LHFPL2: variants seen among roughly 807,000 people sequenced by gnomAD.
LHFPL2 encodes LHFPL tetraspan subfamily member 2 protein.
In LHFPL2, 7 loss-of-function variants were observed where a neutral mutation model predicts 17.5. The ratio of observed to expected loss-of-function variants is 0.40; its 90% CI spans 0.23 to 0.75. The LOEUF (loss-of-function observed/expected upper bound fraction) is 0.75. LHFPL2 is among the 30% of genes least tolerant of loss of function. The probability of loss-of-function intolerance (pLI) is 0.37; values close to 1 mark genes in which losing one functional copy is unlikely to be tolerated. For missense variants in LHFPL2, 241 were observed against 294.8 expected (o/e 0.82, Z 1.34); for synonymous variants, 134 against 116.2 (o/e 1.15, Z -0.99).
intron 4 of LHFPL2, 74 bp downstream of exon 4, chr5:78,509,710 C>G: frequency 1.4e-6 from 2 of 1,445,680 alleles, no homozygotes; most frequent in Non-Finnish European, 1.9e-6. Context: ...AAGCGAATGC[C>G]CAGTACCAGA....
chr5:78,495,487 A>C (rs1334777808), intron 4 of LHFPL2, among the ~76,000 whole-genome samples: 1 of 152,148 alleles, frequency 6.6e-6, no homozygotes, highest in East Asian at 1.9e-4. Context: ...TTTAGACACC[A>C]CACTCCCACT....
At chr5:78,498,044 C>T (rs752894830) in intron 4 of LHFPL2, among the ~76,000 whole-genome samples, 3 of 152,030 alleles carry the variant, frequency 2.0e-5, no homozygotes, top group Admixed American at 6.5e-5. Context: ...GGGAGAAGGA[C>T]GGGAAAGGAC....
At chr5:78,593,256 T>A (rs1175772540) in intron 2 of LHFPL2, among the ~76,000 whole-genome samples, 2 of 152,066 alleles carry the variant, frequency 1.3e-5, no homozygotes, top group Non-Finnish European at 2.9e-5. Context: ...CTCATCCCCA[T>A]GGGAATCAGG....
intron 2 of LHFPL2, among the ~76,000 whole-genome samples, chr5:78,601,031 G>A (rs1020164761): frequency 6.6e-6 from 1 of 152,206 alleles, no homozygotes; most frequent in African/African-American, 2.4e-5. Flanking sequence ...CAGCATGTGT[G>A]CCATTTGCTC....
At chr5:78,562,794 G>C (rs1195543279) in intron 3 of LHFPL2, among the ~76,000 whole-genome samples, 1 of 152,176 alleles carries the variant, frequency 6.6e-6, no homozygotes, top group Admixed American at 6.6e-5. Flanking sequence ...GAGAAGGCTG[G>C]TTTTATTAGG....
intron 3 of LHFPL2, among the ~76,000 whole-genome samples, chr5:78,536,855 T>C (rs1426706995): frequency 2.0e-5 from 3 of 152,126 alleles, no homozygotes; most frequent in African/African-American, 4.8e-5. Context: ...GAAACAGCTG[T>C]CAAACACTGG....
At chr5:78,556,050 G>A (rs1756564681) in intron 3 of LHFPL2, among the ~76,000 whole-genome samples, 2 of 152,170 alleles carry the variant, frequency 1.3e-5, no homozygotes, top group South Asian at 2.1e-4. Context: ...CTCATGAGGT[G>A]TGGGTGAGGT....
intron 3 of LHFPL2, among the ~76,000 whole-genome samples, chr5:78,545,275 C>A (rs1272057979): frequency 1.3e-5 from 2 of 152,190 alleles, no homozygotes; most frequent in Non-Finnish European, 2.9e-5. Flanking sequence ...CATCAGGAGG[C>A]AACACCGAAG....
intron 3 of LHFPL2, among the ~76,000 whole-genome samples, chr5:78,539,665 G>A (rs948215208): frequency 2.2e-4 from 33 of 152,218 alleles, no homozygotes; most frequent in African/African-American, 7.9e-4. Context: ...TGGGAATGAG[G>A]CTCTGCAGTC....
Position 78,506,037 on chromosome 5 carries a change from C to T in LHFPL2, c.430+3747G>A, listed in dbSNP as rs985671116. The stretch of plus-strand genomic sequence containing the variant: ...TGCACAGTATTTAGAAAGTATCAGC[C>T]GGGTGTCCACCTAATGGTGCCCTGA... On this transcript the variant is annotated intron_variant, in intron 4 of 4. Coordinates refer to ENST00000380345, the MANE Select transcript of LHFPL2 (RefSeq NM_005779.3). 3.9e-5 allele frequency among the ~76,000 whole-genome samples: 6 copies of T among 152,318 alleles called. 1 individual carries two copies. Among genetic ancestry groups the T allele is most frequent in the South Asian group, 2.1e-4 (1 of 4,826 alleles).
intron 1 of LHFPL2, chr5:78,644,229 C>T: frequency 1.5e-6 from 1 of 673,498 alleles, no homozygotes; most frequent in East Asian, 2.8e-5. Context: ...AGTTGAAATG[C>T]TTTATAGATA....
rs552230120 is a variant in LHFPL2, at chr5:78,575,826, A to G, written c.-244-10955T>C. ...TTTCTAGGTCTCTGGAAAAGTCTTC[A>G]TCCTGCACAGACTGGACAATTTCAA... On this transcript the variant is annotated intron_variant, in intron 2 of 4. Coordinates refer to ENST00000380345, the MANE Select transcript of LHFPL2 (RefSeq NM_005779.3). Among the ~76,000 whole-genome samples, 3 of 152,346 alleles carry G rather than the reference A, an allele frequency of 2.0e-5. No homozygotes were observed. The South Asian group carries it at 6.2e-4, about 32-fold the overall frequency.
intron 1 of LHFPL2, among the ~76,000 whole-genome samples, chr5:78,632,900 T>C (rs1187240794): frequency 1.3e-5 from 2 of 151,904 alleles, no homozygotes; most frequent in African/African-American, 4.8e-5. Flanking sequence ...GTGGCCAAAC[T>C]AGAGGGCAAG....
chr5:78,630,338 T>C (rs1443348144), intron 2 of LHFPL2, among the ~76,000 whole-genome samples: 2 of 152,196 alleles, frequency 1.3e-5, no homozygotes, highest in Non-Finnish European at 2.9e-5. Flanking sequence ...AGGGATGGTG[T>C]GACACAAACA....
intron 3 of LHFPL2, among the ~76,000 whole-genome samples, chr5:78,562,504 A>G (rs1419813593): frequency 1.3e-5 from 2 of 152,154 alleles, no homozygotes; most frequent in East Asian, 3.9e-4. Flanking sequence ...GCATGGTGGC[A>G]GATGCCTGTA....
chr5:78,638,421 T>C (rs1244798294), intron 1 of LHFPL2, among the ~76,000 whole-genome samples: 1 of 152,202 alleles, frequency 6.6e-6, no homozygotes, highest in Non-Finnish European at 1.5e-5. Context: ...GTTCTGATTG[T>C]GTCTCACATT....
chr5:78,627,129 G>A (rs1745072303), intron 2 of LHFPL2, among the ~76,000 whole-genome samples: 1 of 152,100 alleles, frequency 6.6e-6, no homozygotes, highest in Non-Finnish European at 1.5e-5. Flanking sequence ...AGAAATGTAT[G>A]CAGTAGAGAG....
intron 3 of LHFPL2, among the ~76,000 whole-genome samples, chr5:78,549,916 C>T (rs889641104): frequency 2.0e-5 from 3 of 152,184 alleles, no homozygotes; most frequent in African/African-American, 7.2e-5. Context: ...GAAACTTCCA[C>T]TCAAAATCAT....
intron 2 of LHFPL2, among the ~76,000 whole-genome samples, chr5:78,571,332 A>G (rs912236252): frequency 6.6e-6 from 1 of 151,438 alleles, no homozygotes; most frequent in Non-Finnish European, 1.5e-5. Flanking sequence ...ATCCTTCCCA[A>G]CTCCATGCAT....
Sources: gnomAD v4.1 joint callset for allele counts (sites outside exome capture counted in the v4.1 genomes callset) on GRCh38, gnomAD v4.1.1 for gene constraint, MANE v1.5 for transcripts, NCBI Gene and HGNC (gene_info 2026-07-23, HGNC 2026-07-21) for gene names.